Variants in LRRC7 observed in about 807,000 individuals in gnomAD.
LRRC7 encodes leucine rich repeat containing 7, also known as leucine-rich repeat-containing protein 7.
Under a neutral mutation model 175.7 loss-of-function variants are expected in LRRC7, and 23 were observed. The ratio of observed to expected loss-of-function variants is 0.13; its 90% CI spans 0.09 to 0.19. LRRC7 has a LOEUF of 0.19. LRRC7 is among the 10% of genes least tolerant of loss of function. The pLI is 1.00. For missense variants in LRRC7, 1,354 were observed against 1,904.7 expected (o/e 0.71, Z 5.38); for synonymous variants, 685 against 680.9 (o/e 1.01, Z -0.09).
At chr1:69,904,533 A>G (rs1365321854) in intron 7 of LRRC7, among the ~76,000 whole-genome samples, 4 of 151,472 alleles carry the variant, frequency 2.6e-5, no homozygotes, top group Non-Finnish European at 5.9e-5. Context: ...GATACTCTGA[A>G]TCCTAAATGA....
At chr1:69,619,163 C>T (rs1206163928) in intron 1 of LRRC7, among the ~76,000 whole-genome samples, 3 of 152,070 alleles carry the variant, frequency 2.0e-5, no homozygotes, top group Non-Finnish European at 4.4e-5. Flanking sequence ...TTCACTTTCT[C>T]CTGATCAGCA....
chr1:69,743,056 G>A (rs141035511), intron 2 of LRRC7, among the ~76,000 whole-genome samples: 75 of 152,104 alleles, frequency 4.9e-4, no homozygotes, highest in Non-Finnish European at 5.6e-4. Flanking sequence ...TCACCCATAT[G>A]TAATGTCTAG....
At chr1:69,997,214 G>A (rs1655068672) in intron 11 of LRRC7, among the ~76,000 whole-genome samples, 1 of 152,180 alleles carries the variant, frequency 6.6e-6, no homozygotes, top group Non-Finnish European at 1.5e-5. Flanking sequence ...TGTTGTTGGT[G>A]TATGAGAATG....
rs533066790 is a variant in LRRC7, at chr1:70,076,400, A to G, written c.4452+102A>G. 2.4e-4 allele frequency: 246 copies of G among 1,010,958 alleles called. 2 individuals are homozygous for G. In the East Asian group the frequency reaches 6.2e-3, roughly 26 times the overall value. The allele number at this position is 1,010,958 out of a possible 1,614,324, so 62.6% of individuals were successfully genotyped here. On this transcript the variant is annotated intron_variant, in intron 24 of 26. Coordinates refer to ENST00000651989, the MANE Select transcript of LRRC7 (RefSeq NM_001370785.2). Reference sequence around the variant, plus strand: ...TTAATGTGGTCCAGGACACAATGCCATCACCATGTTGAATGGGGTAGGGCC... The same window carrying G: ...TTAATGTGGTCCAGGACACAATGCCGTCACCATGTTGAATGGGGTAGGGCC...
chr1:69,911,851 A>G (rs886163952), intron 7 of LRRC7, among the ~76,000 whole-genome samples: 2 of 152,010 alleles, frequency 1.3e-5, no homozygotes, highest in Non-Finnish European at 2.9e-5. Context: ...TACACCCGTC[A>G]GGGTATCAAC....
At chr1:69,769,621 A>AT (rs927857641) in intron 3 of LRRC7, among the ~76,000 whole-genome samples, 1 of 152,194 alleles carries the variant, frequency 6.6e-6, no homozygotes, top group Non-Finnish European at 1.5e-5. Flanking sequence ...CATTATGTAT[A>AT]TGCAAGTATT....
intron 23 of LRRC7, among the ~76,000 whole-genome samples, chr1:70,071,179 GC>G (rs1662358855): frequency 6.6e-6 from 1 of 152,090 alleles, no homozygotes; most frequent in Admixed American, 6.6e-5. Context: ...GAGAGAGTAG[GC>G]TTTTGTTGAA....
chr1:69,918,321 A>G (rs1249583747), intron 7 of LRRC7, among the ~76,000 whole-genome samples: 1 of 152,216 alleles, frequency 6.6e-6, no homozygotes, highest in Non-Finnish European at 1.5e-5. Context: ...GCCTGCCACA[A>G]AGAAGCACGT....
At chr1:69,792,291 G>A in intron 4 of LRRC7, 131 bp downstream of exon 4, 1 of 593,382 alleles carries the variant, frequency 1.7e-6, no homozygotes, top group South Asian at 2.1e-5. Flanking sequence ...TAATGCTCTT[G>A]TAAAGTTAAA....
intron 7 of LRRC7, among the ~76,000 whole-genome samples, chr1:69,860,056 T>A (rs533642934): frequency 6.6e-6 from 1 of 152,178 alleles, no homozygotes; most frequent in South Asian, 2.1e-4. Flanking sequence ...ATTCTATTCC[T>A]ATTATGTTTT....
At chr1:69,885,051 C>T (rs1014593348) in intron 7 of LRRC7, among the ~76,000 whole-genome samples, 1 of 135,796 alleles carries the variant, frequency 7.4e-6, no homozygotes, top group Non-Finnish European at 1.6e-5. Context: ...CATCAATGTT[C>T]ATCAAGGATA....
chr1:70,034,018 A>G (rs1659046466), intron 18 of LRRC7, among the ~76,000 whole-genome samples: 1 of 152,188 alleles, frequency 6.6e-6, no homozygotes, highest in Admixed American at 6.5e-5. Context: ...CCTTTATTTT[A>G]ATGATGATAA....
At position 69,717,829 on chromosome 1, in the gene LRRC7, AGAAAGAAAGAAAAAAGAAAGAAAG is replaced by A. The variant is rs1557641163; in HGVS notation, c.100+39364_100+39387del. ...AAGAAAGAAAGAAAGAAAGAAAGAA[AGAAAGAAAGAAAAAAGAAAGAAAG>A]GAAAGAAAGAAAGAAAGAAAGAAAG... On this transcript the variant is annotated intron_variant, in intron 2 of 26. Transcript: ENST00000651989. 1.3e-3 allele frequency among the ~76,000 whole-genome samples: 76 copies of A among 60,520 alleles called. 3 individuals are homozygous for A. Among genetic ancestry groups the A allele is most frequent in the East Asian group, 3.4e-3 (8 of 2,324 alleles). The allele number at this position is 60,520 out of a possible 152,430, so 39.7% of individuals were successfully genotyped here. A position where few individuals can be genotyped will look rare whatever the true frequency, so the allele number is the denominator to read the frequency against.
rs576876451 is a variant in LRRC7 at position 69,748,569 on chromosome 1, A to G, written c.101-11622A>G. 1.8e-4 allele frequency among the ~76,000 whole-genome samples: 28 copies of G among 152,312 alleles called. No homozygotes were observed. In the East Asian group the frequency reaches 2.7e-3, roughly 15 times the overall value. On this transcript the variant is annotated intron_variant, in intron 2 of 26. Transcript: ENST00000651989. ...TTATTAAATAAAGTATTTGATTAAA[A>G]CACATTTAAAAGTACTAAACACACC...
At chr1:69,607,776 A>G (rs939475202) in intron 1 of LRRC7, 3 of 152,282 alleles carry the variant, frequency 2.0e-5, no homozygotes, top group Admixed American at 6.5e-5. Flanking sequence ...AGACATTGTC[A>G]GTAGATTATG....
At chr1:69,809,069 CAATAAAA>C (rs1282165198) in intron 4 of LRRC7, among the ~76,000 whole-genome samples, 1 of 151,942 alleles carries the variant, frequency 6.6e-6, no homozygotes, top group Non-Finnish European at 1.5e-5. Flanking sequence ...CAAATAGACA[CAATAAAA>C]AATGGTAAAG....
chr1:69,997,501 A>G (rs1450795215), intron 11 of LRRC7, among the ~76,000 whole-genome samples: 2 of 152,026 alleles, frequency 1.3e-5, no homozygotes, highest in Non-Finnish European at 2.9e-5. Context: ...GAATGCTTCC[A>G]GTTTTTGTCC....
chr1:69,645,470 C>T (rs699223), intron 1 of LRRC7, among the ~76,000 whole-genome samples: 114,794 of 151,840 alleles, frequency 0.76, 44,114 homozygotes, highest in African/African-American at 0.89. Context: ...TTAGTTAAGA[C>T]ACTTGACCTC....
At chr1:69,751,395 T>C (rs1027943108) in intron 2 of LRRC7, among the ~76,000 whole-genome samples, 2 of 151,600 alleles carry the variant, frequency 1.3e-5, no homozygotes, top group Admixed American at 6.6e-5. Flanking sequence ...TACTAGAAGA[T>C]GGCAAGGGTC....
Sources: allele counts gnomAD v4.1 joint callset (sites outside exome capture counted in the v4.1 genomes callset), GRCh38; gene constraint gnomAD v4.1.1; transcripts MANE v1.5; gene names NCBI Gene and HGNC (gene_info 2026-07-23, HGNC 2026-07-21).